Variants in CDC14B observed in about 807,000 individuals in gnomAD.
The protein encoded by CDC14B is dual specificity protein phosphatase CDC14B.
CDC14B carries 22 observed loss-of-function variants against 64.2 expected under a neutral mutation model. The observed-to-expected ratio is 0.34, with a 90% CI of 0.24 to 0.49. The LOEUF (loss-of-function observed/expected upper bound fraction) is 0.49. Ranked by LOEUF, CDC14B falls within the 20% of genes least tolerant of loss-of-function variation. CDC14B has a pLI of 0.99. For synonymous variants in CDC14B, 191 were observed against 215.8 expected (o/e 0.89, Z 1.01); for missense variants, 498 against 629.9 (o/e 0.79, Z 2.24).
At chr9:96,543,153 G>A (rs143490470) in intron 5 of CDC14B, among the ~76,000 whole-genome samples, 246 of 152,196 alleles carry the variant, frequency 1.6e-3, no homozygotes, top group African/African-American at 5.7e-3. Flanking sequence ...TGGCTAACAC[G>A]GTGAAACCCT....
Position 96,515,811 on chromosome 9 carries a change from G to A in CDC14B, c.1344-6022C>T. ...GGGACATCTGGAAAGGGGTGAAGGG[G>A]AAAGAACAGATGTTCAAATTGGGAA... is the stretch of plus-strand genomic sequence containing the variant. On this transcript the variant is annotated intron_variant, in intron 12 of 13. Transcript: ENST00000375241. The surrounding 1 kb of genome is among the most constrained non-coding windows in gnomAD (Gnocchi z 4.3). 6.4e-7 allele frequency: 1 copy of A among 1,567,246 alleles called. No individual in the cohort carries two copies. Among genetic ancestry groups the A allele is most frequent in the Non-Finnish European group, 8.6e-7 (1 of 1,157,318 alleles).
At chr9:96,591,818 T>C (rs1178396235) in intron 1 of CDC14B, among the ~76,000 whole-genome samples, 2 of 151,908 alleles carry the variant, frequency 1.3e-5, no homozygotes, top group Non-Finnish European at 2.9e-5. Flanking sequence ...CGATCTAGGC[T>C]CACTGCAAGC....
downstream of CDC14B, among the ~76,000 whole-genome samples, chr9:96,497,675 A>G (rs1033700916): frequency 1.2e-4 from 18 of 152,138 alleles, no homozygotes; most frequent in Non-Finnish European, 1.9e-4. Context: ...GACAGCATTA[A>G]TTTTATTTTT....
At chr9:96,608,258 TA>T (rs1334337693) in intron 1 of CDC14B, among the ~76,000 whole-genome samples, 10 of 152,342 alleles carry the variant, frequency 6.6e-5, no homozygotes, top group African/African-American at 2.4e-4. Flanking sequence ...TACAGTAGTT[TA>T]AAATTAGAAT....
chr9:96,581,039 G>A (rs2118334865), intron 1 of CDC14B, among the ~76,000 whole-genome samples: 1 of 152,246 alleles, frequency 6.6e-6, no homozygotes, highest in Non-Finnish European at 1.5e-5. Context: ...AGACCAGCCT[G>A]ACCAACATAG....
chr9:96,519,726 G>C (rs1836371363), intron 12 of CDC14B, among the ~76,000 whole-genome samples: 1 of 116,494 alleles, frequency 8.6e-6, no homozygotes, highest in African/African-American at 3.5e-5. Flanking sequence ...GCAAGACTCT[G>C]TCTTAAAAAA....
chr9:96,541,138 C>T (rs1564287004), intron 6 of CDC14B, among the ~76,000 whole-genome samples: 1 of 152,204 alleles, frequency 6.6e-6, no homozygotes, highest in Non-Finnish European at 1.5e-5. Context: ...TACTGATTTA[C>T]CATTCTAGTT....
intron 1 of CDC14B, among the ~76,000 whole-genome samples, chr9:96,580,180 A>G (rs1188765683): frequency 6.6e-6 from 1 of 152,126 alleles, no homozygotes; most frequent in East Asian, 1.9e-4. Context: ...AGTTGGAAAA[A>G]AATTAAAATA....
chr9:96,567,162 T>A, intron 1 of CDC14B: 1 of 377,660 alleles, frequency 2.6e-6, no homozygotes, highest in Non-Finnish European at 4.9e-6. Context: ...GCCCAAACGC[T>A]CCGCAGAGGG....
intron 1 of CDC14B, 78 bp downstream of exon 1, chr9:96,619,141 G>A: frequency 2.6e-6 from 3 of 1,156,252 alleles, no homozygotes; most frequent in Non-Finnish European, 3.2e-6. Context: ...GCCCCGGGCA[G>A]CCCGGTGGGA....
At chr9:96,537,351 C>A (rs1839419550) in intron 7 of CDC14B, among the ~76,000 whole-genome samples, 1 of 151,404 alleles carries the variant, frequency 6.6e-6, no homozygotes. Context: ...TTTTTTTGGT[C>A]CGGCTGGTTT....
chr9:96,510,462 G>A (rs1038163174), intron 12 of CDC14B, among the ~76,000 whole-genome samples: 5 of 151,554 alleles, frequency 3.3e-5, no homozygotes, highest in Admixed American at 2.0e-4. Context: ...GGAAGCACAC[G>A]ATGAATCAGA....
At chr9:96,491,910 T>A (rs1158429903) in exon 14 of CDC14B, 1 of 152,178 alleles carries the variant, frequency 6.6e-6, no homozygotes, top group East Asian at 1.9e-4. Flanking sequence ...ATGTAGGCAT[T>A]TTGTTTGCAC....
intron 1 of CDC14B, among the ~76,000 whole-genome samples, chr9:96,613,078 C>T (rs1847418124): frequency 6.6e-6 from 1 of 152,196 alleles, no homozygotes; most frequent in South Asian, 2.1e-4. Flanking sequence ...CTGCTGGCAA[C>T]AGTAAAAGTC....
intron 1 of CDC14B, among the ~76,000 whole-genome samples, chr9:96,607,497 T>C (rs1385925337): frequency 6.7e-6 from 1 of 148,566 alleles, no homozygotes; most frequent in Non-Finnish European, 1.5e-5. Flanking sequence ...CTCGGCTCAC[T>C]GCAAGCTCCG....
At chr9:96,581,629 G>C (rs1814407851) in intron 1 of CDC14B, among the ~76,000 whole-genome samples, 2 of 152,122 alleles carry the variant, frequency 1.3e-5, no homozygotes, top group South Asian at 4.1e-4. Context: ...AGGATTTGGG[G>C]GCAGGGAAGG....
At chr9:96,529,975 C>A (rs1162903985) in intron 9 of CDC14B, among the ~76,000 whole-genome samples, 1 of 152,114 alleles carries the variant, frequency 6.6e-6, no homozygotes, top group East Asian at 1.9e-4. Flanking sequence ...TCGGGCAATA[C>A]TGACATGTTA....
chr9:96,597,121 A>G (rs1846133398), intron 1 of CDC14B, among the ~76,000 whole-genome samples: 1 of 152,208 alleles, frequency 6.6e-6, no homozygotes, highest in Admixed American at 6.5e-5. Flanking sequence ...TCTTAAAAGC[A>G]GCCAGAGAAA....
intron 1 of CDC14B, among the ~76,000 whole-genome samples, chr9:96,588,471 T>C (rs917450868): frequency 6.6e-6 from 1 of 152,134 alleles, no homozygotes; most frequent in Non-Finnish European, 1.5e-5. Flanking sequence ...GAATAGGAAG[T>C]GTACTTAAAT....
Sources: allele counts gnomAD v4.1 joint callset (sites outside exome capture counted in the v4.1 genomes callset), GRCh38; gene constraint gnomAD v4.1.1; non-coding constraint Gnocchi (gnomAD v3.1); transcripts MANE v1.5; gene names NCBI Gene and HGNC (gene_info 2026-07-23, HGNC 2026-07-21).